FASN: variants seen among roughly 807,000 people sequenced by gnomAD.
FASN encodes the protein 3-hydroxyacyl-[acyl-carrier-protein] dehydratase.
A neutral mutation model predicts 250.0 loss-of-function variants in FASN; 50 were observed. The ratio of observed to expected loss-of-function variants is 0.20; its 90% CI spans 0.16 to 0.25. FASN has a LOEUF of 0.25. Ranked by LOEUF, FASN falls within the 10% of genes least tolerant of loss-of-function variation. The probability of loss-of-function intolerance (pLI) is 1.00; values close to 1 mark genes in which losing one functional copy is unlikely to be tolerated. For synonymous variants in FASN, 1,909 were observed against 1,584.0 expected, an observed-to-expected ratio of 1.21 and a Z score of -4.87; for missense variants, 3,031 against 3,498.5, an observed-to-expected ratio of 0.87 and a Z score of 3.37.
chr17:82,086,349 G>A lies in FASN; in HGVS notation c.3637C>T (p.Pro1213Ser). 6.2e-7 allele frequency: 1 copy of A among 1,608,138 alleles called. No homozygotes were observed. The highest frequency in any genetic ancestry group is 1.1e-5 in the South Asian group (1 of 90,876). ...GAGTCCAGGAGGCCGCTGAGCAGAG[G>A]GTCCTCTGGCAGCTTGGGCCTCTCC... ...AQERPKLPED[P>S]LLSGLLDSPA... The change falls in exon 22 of 43, where the codon CCT (proline) becomes TCT (serine). Residue 1213 changes from proline (P) to serine (S), a missense_variant. Coordinates refer to ENST00000306749, the MANE Select transcript of FASN (RefSeq NM_004104.5).
chr17:82,094,074 G>C (rs952060114), intron 3 of FASN: 4 of 498,038 alleles, frequency 8.0e-6, no homozygotes, highest in Non-Finnish European at 1.5e-5. Flanking sequence ...GGCCAGAGTG[G>C]CTCCAGGAAG....
rs375444083 is a variant in FASN, at chr17:82,079,326, T to C, written c.7398+31A>G. 3.7e-6 allele frequency: 6 copies of C among 1,612,924 alleles called. No individual in the cohort carries two copies. The African/African-American group carries it at 6.7e-5, about 18-fold the overall frequency. ...TGCCGTCCCACCCCACTCCTGTCCCTGTCCCCGTTCCCGTCAGGCCCCTTG... is the reference window on the plus strand; with the variant it reads ...TGCCGTCCCACCCCACTCCTGTCCCCGTCCCCGTTCCCGTCAGGCCCCTTG... On this transcript the variant is annotated intron_variant, in intron 42 of 42. Coordinates refer to ENST00000306749, the MANE Select transcript of FASN (RefSeq NM_004104.5).
intron 2 of FASN, among the ~76,000 whole-genome samples, chr17:82,095,835 T>C (rs1394531842): frequency 6.6e-6 from 1 of 152,240 alleles, no homozygotes; most frequent in South Asian, 2.1e-4. Context: ...AAGAGCCTAC[T>C]GGGTGTGGGG....
rs1018160528 is a variant in FASN at position 82,081,271 on chromosome 17, C to T, written c.6488G>A (p.Arg2163His). The change falls in exon 38 of 43, where the codon CGC becomes CAC. Residue 2163 changes from arginine (R) to histidine (H), a missense_variant. By Grantham distance (29) the Arg-to-His change is conservative. Coordinates refer to ENST00000306749, the MANE Select transcript of FASN (RefSeq NM_004104.5). Reference protein sequence around the residue: ...GLDSLMSVEVRQTLERELNLV... With the variant: ...GLDSLMSVEVHQTLERELNLV... ...GTTGAGCTCACGCTCCAGCGTCTGG[C>T]GCACCTCCACGCTCATGAGCGAGTC... 7.0e-6 allele frequency: 11 copies of T among 1,566,606 alleles called. No individual in the cohort carries two copies. Among genetic ancestry groups the T allele is most frequent in the East Asian group, 2.3e-5 (1 of 42,738 alleles).
Position 82,084,581 on chromosome 17 carries a change from T to G in FASN, c.4700A>C (p.Tyr1567Ser). 6.2e-7 allele frequency: 1 copy of G among 1,611,274 alleles called. No individual in the cohort carries two copies. The highest frequency in any genetic ancestry group is 8.5e-7 in the Non-Finnish European group (1 of 1,179,402). The change falls in exon 27 of 43, where the codon TAC becomes TCC. Residue 1567 changes from tyrosine (Y) to serine (S), a missense_variant. By Grantham distance (144) the Tyr-to-Ser change is moderately radical. Transcript: ENST00000306749. The part of the protein sequence containing the change: ...TCPGAQLCTV[Y>S]YASLNFRDIM... Reference sequence around the variant, plus strand: ...GTCGCGGAAGTTGAGGGAGGCGTAGTAGACCGTGCAGAGCTGGGCGCCAGG... The same window carrying G: ...GTCGCGGAAGTTGAGGGAGGCGTAGGAGACCGTGCAGAGCTGGGCGCCAGG...
chr17:82,084,759 G>A (rs938624022), intron 26 of FASN, 40 bp downstream of exon 26: 6 of 1,549,896 alleles, frequency 3.9e-6, no homozygotes, highest in Non-Finnish European at 5.2e-6. Flanking sequence ...GCCTTCGGGT[G>A]CAGTCTCCCG....
At chr17:82,090,636 A>C in intron 10 of FASN, 72 bp from the exon 11 acceptor site, 4 of 1,411,208 alleles carry the variant, frequency 2.8e-6, no homozygotes, top group Non-Finnish European at 3.9e-6. Flanking sequence ...CCCCGGCCCC[A>C]CTAGGCCATC....
intron 42 of FASN, 38 bp from the exon 43 acceptor site, chr17:82,079,318 C>G: frequency 1.2e-6 from 2 of 1,612,680 alleles, no homozygotes; most frequent in Non-Finnish European, 1.7e-6. Context: ...CCACCCCACT[C>G]CTGTCCCTGT....
In FASN at chr17:82,085,517, T is replaced by C. The variant is rs2144790401; in HGVS notation, c.4087A>G (p.Thr1363Ala). 1 of 1,595,422 alleles carries C rather than the reference T, an allele frequency of 6.3e-7. No homozygotes were observed. The highest frequency in any genetic ancestry group is 8.5e-7 in the Non-Finnish European group (1 of 1,171,850). Residue 1363 changes from threonine to alanine, a missense_variant, in exon 23 of 43, where the codon ACT (threonine) becomes GCT (alanine). Physicochemically the swap from Thr to Ala is moderately conservative, Grantham distance 58. Coordinates refer to ENST00000306749, the MANE Select transcript of FASN (RefSeq NM_004104.5). ...LGDIVAFLTS[T>A]EPQYGQGILS... ...ATGCCCTGGCCATACTGCGGCTCAG[T>C]GGAGGTGAGGAAGGCCACGATGTCC...
rs774820179 is a variant in FASN at position 82,089,163 on chromosome 17, C to T, written c.2110G>A (p.Glu704Lys). The T allele has an allele frequency of 1.9e-6, 3 of 1,577,348 alleles. No homozygotes were observed. The highest frequency in any genetic ancestry group is 8.6e-7 in the Non-Finnish European group (1 of 1,161,970). The change falls in exon 14 of 43, where the codon GAG (glutamate) becomes AAG (lysine). Residue 704 changes from glutamate (E) to lysine (K), a missense_variant. Physicochemically the swap from Glu to Lys is moderately conservative, Grantham distance 56. Transcript: ENST00000306749. ...CAGCGGGCTGAACGTGGCTTCGGCT[C>T]CCGGATCACCTGCATGAGGGGCCAG... ...LLQELKKVIR[E>K]PKPRSARWLS...
intron 10 of FASN, 84 bp downstream of exon 10, chr17:82,090,793 CCCGGA>C: frequency 6.8e-7 from 1 of 1,469,408 alleles, no homozygotes; most frequent in South Asian, 1.2e-5. Flanking sequence ...TGTCAGGGGC[CCCGGA>C]CTCAACACTG....
chr17:82,088,965 C>T lies in FASN; in HGVS notation c.2304+4G>A. 3 of 1,609,202 alleles carry T rather than the reference C, an allele frequency of 1.9e-6. No homozygotes were observed. Among genetic ancestry groups the T allele is most frequent in the Non-Finnish European group, 2.5e-6 (3 of 1,178,466 alleles). On this transcript the variant is annotated splice_donor_region_variant and intron_variant, in intron 14 of 42. Coordinates refer to ENST00000306749, the MANE Select transcript of FASN (RefSeq NM_004104.5). ...GGCGCCTGCTGCCCCCAGGCTGGGC[C>T]TACCTGCAGCAGGGCGTGGGGCGCG...
chr17:82,088,530 G>C lies in FASN; in HGVS notation c.2453C>G (p.Pro818Arg), dbSNP rs774528608. The change falls in exon 16 of 43, where the codon CCT (proline) becomes CGT (arginine). Residue 818 changes from proline (P) to arginine (R), a missense_variant. Physicochemically the swap from Pro to Arg is moderately radical, Grantham distance 103 (BLOSUM62 -2). Transcript: ENST00000306749. ...IDANPNALFP[P>R]VEFPAPRGTP... ...TCCTCGGGGAGCTGGGAACTCCACAGGTGGGAACAAGGCATTGGGGTTGGC... is the reference window on the plus strand; with the variant it reads ...TCCTCGGGGAGCTGGGAACTCCACACGTGGGAACAAGGCATTGGGGTTGGC... The C allele has an allele frequency of 4.4e-6, 7 of 1,607,842 alleles. No individual in the cohort carries two copies. Among genetic ancestry groups the C allele is most frequent in the Middle Eastern group, 1.7e-4 (1 of 6,044 alleles).
intron 2 of FASN, among the ~76,000 whole-genome samples, 190 bp downstream of exon 2, chr17:82,096,129 C>G (rs914863766): frequency 6.6e-6 from 1 of 152,256 alleles, no homozygotes; most frequent in African/African-American, 2.4e-5. Context: ...CTAGGCCACT[C>G]TGGTGCAATG....
chr17:82,091,422 G>C lies in FASN; in HGVS notation c.1292C>G (p.Pro431Arg), dbSNP rs1326595535. The change falls in exon 9 of 43, where the codon CCT (proline) becomes CGT (arginine). Residue 431 changes from proline to arginine, a missense_variant. Physicochemically the swap from Pro to Arg is moderately radical, Grantham distance 103 (BLOSUM62 -2). Coordinates refer to ENST00000306749, the MANE Select transcript of FASN (RefSeq NM_004104.5). The stretch of plus-strand genomic sequence containing the variant: ...CTCCAGCAGCTTCTGCACGGCCTCA[G>C]GGGTGCGTCCGCTGGCCCGCAGCAG... The part of the protein sequence containing the change: ...PRLLRASGRT[P>R]EAVQKLLEQG... The C allele has an allele frequency of 6.2e-7, 1 of 1,609,114 alleles. No homozygotes were observed. Among genetic ancestry groups the C allele is most frequent in the South Asian group, 1.1e-5 (1 of 90,574 alleles).
At position 82,087,926 on chromosome 17, in the gene FASN, CAGCTCCCGT is replaced by C; in HGVS notation, c.2866+19_2866+27del. On this transcript the variant is annotated intron_variant, in intron 18 of 42. Coordinates refer to ENST00000306749, the MANE Select transcript of FASN (RefSeq NM_004104.5). ...GCATGGCCAGCGGGCACAGCCTCCG[CAGCTCCCGT>C]GCCACCGGCCCTGCTTACCACTCAC... The C allele has an allele frequency of 6.2e-7, 1 of 1,612,488 alleles. No individual in the cohort carries two copies. Among genetic ancestry groups the C allele is most frequent in the Non-Finnish European group, 8.5e-7 (1 of 1,179,774 alleles).
Position 82,083,876 on chromosome 17 carries a change from C to T in FASN, c.5114G>A (p.Arg1705Gln), listed in dbSNP as rs534878599. ...VFTTVGSAEK[R>Q]AYLQARFPQL... Reference sequence around the variant, plus strand: ...GGGGAACCTGGCCTGGAGGTACGCCCGCTTCTCAGCCGACCCTGGTGAAGA... The same window carrying T: ...GGGGAACCTGGCCTGGAGGTACGCCTGCTTCTCAGCCGACCCTGGTGAAGA... Residue 1705 changes from arginine (R) to glutamine (Q), a missense_variant, in exon 30 of 43, where the codon CGG (arginine) becomes CAG (glutamine). By Grantham distance (43) the Arg-to-Gln change is conservative (BLOSUM62 1). Transcript: ENST00000306749. The T allele has an allele frequency of 1.9e-4, 298 of 1,572,120 alleles. 1 individual carries two copies. Among genetic ancestry groups the T allele is most frequent in the South Asian group, 4.7e-4 (40 of 85,888 alleles).
chr17:82,085,934 G>T, intron 22 of FASN, 63 bp from the exon 23 acceptor site: 1 of 1,456,838 alleles, frequency 6.9e-7, no homozygotes, highest in Non-Finnish European at 9.0e-7. Context: ...CTGGGGCTGG[G>T]CAAAATGTCC....
intron 33 of FASN, 45 bp downstream of exon 33, chr17:82,082,869 C>A (rs2034015871): frequency 6.2e-7 from 1 of 1,605,396 alleles, no homozygotes. Context: ...GGGCCCGGGG[C>A]TGTGCCTGGC....
Sources: gnomAD v4.1 joint callset for allele counts (sites outside exome capture counted in the v4.1 genomes callset) on GRCh38, gnomAD v4.1.1 for gene constraint, MANE v1.5 for transcripts, NCBI Gene and HGNC (gene_info 2026-07-23, HGNC 2026-07-21) for gene names.